The following NIN variants were observed in gnomAD, a reference collection of about 807,000 sequenced individuals.
The protein encoded by NIN is ninein.
In NIN, 137 loss-of-function variants were observed where a neutral mutation model predicts 257.6. That is an observed-to-expected ratio of 0.53 (90% CI 0.46 to 0.61). The LOEUF is 0.61. NIN is among the 20% of genes least tolerant of loss of function. NIN has a pLI of 0.00. For synonymous variants in NIN, 918 were observed against 919.8 expected, an observed-to-expected ratio of 1.00 and a Z score of 0.04; for missense variants, 2,439 against 2,501.2, an observed-to-expected ratio of 0.98 and a Z score of 0.53.
intron 27 of NIN, among the ~76,000 whole-genome samples, chr14:50,736,969 A>G (rs1454949104): frequency 6.6e-6 from 1 of 152,198 alleles, no homozygotes; most frequent in Non-Finnish European, 1.5e-5. Flanking sequence ...TACAGAAAGC[A>G]AACTGATTGG....
chr14:50,754,467 T>C (rs892285172), intron 20 of NIN, 96 bp downstream of exon 20: 3 of 922,758 alleles, frequency 3.3e-6, no homozygotes, highest in African/African-American at 1.7e-5. Flanking sequence ...ATTAGCTATA[T>C]GCTATTCATT....
At chr14:50,814,519 G>A (rs2044789140) in intron 3 of NIN, among the ~76,000 whole-genome samples, 1 of 152,152 alleles carries the variant, frequency 6.6e-6, no homozygotes, top group Admixed American at 6.5e-5. Flanking sequence ...TGAAAAATCT[G>A]AGGCTCAGAG....
intron 3 of NIN, among the ~76,000 whole-genome samples, chr14:50,815,877 C>T (rs2044869665): frequency 6.6e-6 from 1 of 152,058 alleles, no homozygotes; most frequent in Non-Finnish European, 1.5e-5. Flanking sequence ...GGCGTGGTGG[C>T]ATGCACCTGT....
chr14:50,814,066 T>C (rs2044763780), intron 3 of NIN, among the ~76,000 whole-genome samples: 2 of 152,140 alleles, frequency 1.3e-5, no homozygotes, highest in Admixed American at 1.3e-4. Flanking sequence ...ACTTGAATTG[T>C]TAACTTCATA....
chr14:50,786,250 A>G (rs2043342366), intron 5 of NIN, among the ~76,000 whole-genome samples: 1 of 152,376 alleles, frequency 6.6e-6, no homozygotes, highest in East Asian at 1.9e-4. Context: ...CTAAGTAACG[A>G]ATACTACTTT....
In NIN at chr14:50,758,131, G is replaced by A. The variant is rs2042118381; in HGVS notation, c.2899C>T (p.Gln967Ter). ...TCCATTTCTAGTCTTTCCAGCCGCT[G>A]GCTGGCCAGCTGCTCCGAAGCCCCT... Reference protein sequence around the residue: ...QAGASEQLASQRLERLEMEHD... With the variant: ...QAGASEQLAS Residue 967 changes from glutamine to a stop codon, truncating the protein, a stop_gained, in exon 18 of 31, where the codon CAG (glutamine) becomes TAG (stop). Coordinates refer to ENST00000530997, the MANE Select transcript of NIN (RefSeq NM_020921.4). LOFTEE classifies it high-confidence loss of function. The A allele has an allele frequency of 1.2e-6, 2 of 1,614,170 alleles. No individual in the cohort carries two copies. The highest frequency in any genetic ancestry group is 1.7e-6 in the Non-Finnish European group (2 of 1,180,020).
intron 5 of NIN, among the ~76,000 whole-genome samples, chr14:50,784,371 G>A (rs1281280181): frequency 6.6e-6 from 1 of 152,212 alleles, no homozygotes; most frequent in Non-Finnish European, 1.5e-5. Context: ...TACTCGTGGT[G>A]TGACCTTGGC....
chr14:50,788,654 C>A (rs2043445333), intron 5 of NIN, among the ~76,000 whole-genome samples: 1 of 152,160 alleles, frequency 6.6e-6, no homozygotes, highest in Non-Finnish European at 1.5e-5. Flanking sequence ...CCTTAGAGGG[C>A]AAAAGAGGAG....
Position 50,723,576 on chromosome 14 carries a change from T to A in NIN, c.6289A>T (p.Lys2097Ter). The change falls in exon 31 of 31, where the codon AAA (lysine) becomes TAA (stop). Residue 2097 changes from lysine to a stop codon, truncating the protein, a stop_gained. Coordinates refer to ENST00000530997, the MANE Select transcript of NIN (RefSeq NM_020921.4). LOFTEE classifies it high-confidence loss of function. The part of the protein sequence containing the change: ...KALEVTEQRQ[K>*]TAEKKNYLLE... ...AGGTAATTTTTCTTCTCTGCTGTTT[T>A]CTGTCGCTGTTCAGTCACTTCCAGA... 1 of 1,613,972 alleles carries A rather than the reference T, an allele frequency of 6.2e-7. No homozygotes were observed. Among genetic ancestry groups the A allele is most frequent in the Non-Finnish European group, 8.5e-7 (1 of 1,179,864 alleles).
At chr14:50,810,617 A>C (rs4901057) in intron 3 of NIN, among the ~76,000 whole-genome samples, 60,845 of 152,058 alleles carry the variant, frequency 0.4, 12,582 homozygotes, top group African/African-American at 0.49. Flanking sequence ...AAAGTATAAT[A>C]CTTCTTACAC....
intron 20 of NIN, among the ~76,000 whole-genome samples, chr14:50,753,406 G>A (rs10129233): frequency 0.78 from 118,429 of 152,020 alleles, 46,545 homozygotes; most frequent in African/African-American, 0.86. Context: ...GTCTCAAAAG[G>A]AAAAAAGACT....
intron 5 of NIN, 152 bp from the exon 6 acceptor site, chr14:50,778,956 A>T: frequency 1.4e-6 from 1 of 692,398 alleles, no homozygotes; most frequent in Admixed American, 2.4e-5. Context: ...CATCTAGATG[A>T]GTTCTCTTCA....
chr14:50,767,509 A>G (rs1300150940), intron 12 of NIN, among the ~76,000 whole-genome samples: 1 of 152,232 alleles, frequency 6.6e-6, no homozygotes, highest in East Asian at 1.9e-4. Context: ...AGAACTCAGA[A>G]AAAGTATAAA....
chr14:50,820,799 G>A (rs2045177924), intron 3 of NIN, among the ~76,000 whole-genome samples: 1 of 152,096 alleles, frequency 6.6e-6, no homozygotes, highest in Non-Finnish European at 1.5e-5. Context: ...ACACTCATGT[G>A]CCAAGTGCCT....
At chr14:50,782,216 A>C (rs2043162802) in intron 5 of NIN, among the ~76,000 whole-genome samples, 1 of 152,238 alleles carries the variant, frequency 6.6e-6, no homozygotes, top group African/African-American at 2.4e-5. Context: ...TTAGTAATGT[A>C]AATGGCTTTA....
chr14:50,743,283 A>C, intron 24 of NIN, 133 bp downstream of exon 24: 6 of 639,280 alleles, frequency 9.4e-6, no homozygotes, highest in South Asian at 8.8e-5. Context: ...ACACACATCA[A>C]ACATTGGTCA....
At chr14:50,727,524 G>C (rs2040468590) in intron 29 of NIN, 1 of 1,227,370 alleles carries the variant, frequency 8.1e-7, no homozygotes, top group Non-Finnish European at 1.0e-6. Context: ...ATAAATAAGA[G>C]ACATAATACT....
chr14:50,734,489 A>G (rs2040877809), intron 28 of NIN, among the ~76,000 whole-genome samples: 1 of 152,224 alleles, frequency 6.6e-6, no homozygotes, highest in South Asian at 2.1e-4. Context: ...TCTGCCTTAC[A>G]TAAGTCTTAT....
intron 3 of NIN, among the ~76,000 whole-genome samples, chr14:50,816,930 G>A (rs1210584739): frequency 2.6e-5 from 4 of 152,078 alleles, no homozygotes; most frequent in Admixed American, 6.6e-5. Flanking sequence ...ACACAAAAAC[G>A]CACTTAATTC....
Sources: allele counts gnomAD v4.1 joint callset (sites outside exome capture counted in the v4.1 genomes callset), GRCh38; gene constraint gnomAD v4.1.1; transcripts MANE v1.5; gene names NCBI Gene and HGNC (gene_info 2026-07-23, HGNC 2026-07-21).